TANGO2: variants seen among roughly 807,000 people sequenced by gnomAD.
TANGO2 encodes the protein transport and golgi organization 2 homolog, also known as transport and Golgi organization protein 2 homolog.
In TANGO2, 26 loss-of-function variants were observed where a neutral mutation model predicts 39.1. The observed-to-expected ratio is 0.67, with a 90% confidence interval of 0.49 to 0.92. The LOEUF (loss-of-function observed/expected upper bound fraction) is 0.92, where lower values mean the gene tolerates loss of function less well. TANGO2 is among the 40% of genes least tolerant of loss of function. TANGO2 has a pLI of 0.00. For synonymous variants in TANGO2, 131 were observed against 144.5 expected (o/e 0.91, Z 0.67); for missense variants, 326 against 360.1 (o/e 0.91, Z 0.77).
upstream of TANGO2, chr22:20,019,401 C>A (rs553650850): frequency 8.5e-5 from 13 of 152,362 alleles, no homozygotes; most frequent in African/African-American, 3.1e-4. Flanking sequence ...ATCCTAGACC[C>A]ATTTCATCTG....
At chr22:20,039,560 C>T (rs989045346) in intron 2 of TANGO2, among the ~76,000 whole-genome samples, 5 of 151,742 alleles carry the variant, frequency 3.3e-5, no homozygotes, top group African/African-American at 1.2e-4. Flanking sequence ...GCCTGGGAGG[C>T]AGAGGTTACA....
intron 1 of TANGO2, among the ~76,000 whole-genome samples, chr22:20,022,375 C>T (rs1231202319): frequency 6.6e-6 from 1 of 152,180 alleles, no homozygotes; most frequent in Non-Finnish European, 1.5e-5. Context: ...ACAGCAGAGC[C>T]TCTGTTCCCA....
intron 6 of TANGO2, 176 bp from the exon 7 acceptor site, chr22:20,061,354 G>T: frequency 1.5e-6 from 1 of 663,426 alleles, no homozygotes; most frequent in Non-Finnish European, 2.4e-6. Context: ...TCCTTGCCAT[G>T]CCATCAGGTC....
chr22:20,048,788 AAGCATGCACCACCATGCCC>A (rs2045748779), intron 3 of TANGO2, among the ~76,000 whole-genome samples: 1 of 152,100 alleles, frequency 6.6e-6, no homozygotes, highest in Non-Finnish European at 1.5e-5. Flanking sequence ...CTGGGACTAC[AAGCATGCACCACCATGCCC>A]AGCTAATTTT....
chr22:20,022,570 C>G (rs531237091), intron 1 of TANGO2, among the ~76,000 whole-genome samples: 1 of 152,264 alleles, frequency 6.6e-6, no homozygotes, highest in South Asian at 2.1e-4. Flanking sequence ...GCTGTCAGCT[C>G]TTCCTGGGCT....
intron 1 of TANGO2, among the ~76,000 whole-genome samples, chr22:20,029,069 G>A (rs532858022): frequency 3.9e-5 from 6 of 152,360 alleles, no homozygotes; most frequent in African/African-American, 1.2e-4. Flanking sequence ...TTGCCCAGGC[G>A]TTCTGTCTGA....
Position 20,030,491 on chromosome 22 carries a change from C to T in TANGO2, c.-39-6269C>T, listed in dbSNP as rs555239342. 7.9e-5 allele frequency among the ~76,000 whole-genome samples: 12 copies of T among 152,192 alleles called. No homozygotes were observed. The South Asian group carries it at 2.3e-3, about 29-fold the overall frequency. On this transcript the variant is annotated intron_variant, in intron 1 of 8. Coordinates refer to ENST00000327374, the MANE Select transcript of TANGO2 (RefSeq NM_152906.7). The stretch of plus-strand genomic sequence containing the variant: ...CCTCCCAAGTAGCTGGGACTACAGG[C>T]GCCCGCCACCACGCCCGGCTAATTT...
At chr22:20,027,120 C>T (rs369877282) in intron 1 of TANGO2, among the ~76,000 whole-genome samples, 5 of 152,138 alleles carry the variant, frequency 3.3e-5, no homozygotes, top group South Asian at 2.1e-4. Flanking sequence ...GCACTTCACA[C>T]GGCTGGAGCA....
At chr22:20,030,410 G>A (rs1601878237) in intron 1 of TANGO2, among the ~76,000 whole-genome samples, 3 of 151,970 alleles carry the variant, frequency 2.0e-5, no homozygotes, top group South Asian at 2.1e-4. Context: ...ACAGTGGTAC[G>A]ATCTTGGCTC....
intron 6 of TANGO2, among the ~76,000 whole-genome samples, chr22:20,060,348 C>CAAAAAAA (rs1180539682): frequency 3.7e-5 from 3 of 80,704 alleles, no homozygotes; most frequent in African/African-American, 1.5e-4. Flanking sequence ...GACTCCGTCT[C>CAAAAAAA]AAAAAAAAAA....
At position 20,061,613 on chromosome 22, in the gene TANGO2, G is replaced by T; in HGVS notation, c.535G>T (p.Glu179Ter). The change falls in exon 7 of 9, where the codon GAA becomes TAA. Residue 179 changes from glutamate to a stop codon, truncating the protein, a stop_gained. Coordinates refer to ENST00000327374, the MANE Select transcript of TANGO2 (RefSeq NM_152906.7). LOFTEE classifies it high-confidence loss of function. ...FGKQLFLEAV[E>*]RSQALPKDVL... ...GAAGCAGCTCTTCCTGGAGGCTGTG[G>T]AACGGAGCCAGGCGCTGCCCAAGGA... 6.3e-7 allele frequency: 1 copy of T among 1,583,784 alleles called. No homozygotes were observed. The highest frequency in any genetic ancestry group is 8.6e-7 in the Non-Finnish European group (1 of 1,164,658).
chr22:20,032,138 T>G (rs908167708), intron 1 of TANGO2, among the ~76,000 whole-genome samples: 8 of 152,178 alleles, frequency 5.3e-5, no homozygotes, highest in Non-Finnish European at 1.0e-4. Flanking sequence ...CTCCTTCCGG[T>G]TGGGGTTGGA....
rs140070519 is a variant in TANGO2, at chr22:20,051,479, C to T, written c.146-986C>T. On this transcript the variant is annotated intron_variant, in intron 3 of 8. Coordinates refer to ENST00000327374, the MANE Select transcript of TANGO2 (RefSeq NM_152906.7). ...CCAGGAGGGAGAGGTTGCAGTGAGC[C>T]GAGAGCACACCATTGCACTCCAGCC... Among the ~76,000 whole-genome samples, 491 of 151,818 alleles carry T rather than the reference C, an allele frequency of 3.2e-3. 4 individuals carry two copies. Among genetic ancestry groups the T allele is most frequent in the Non-Finnish European group, 5.7e-3 (388 of 67,924 alleles).
At chr22:20,044,398 T>G (rs542313861) in intron 3 of TANGO2, among the ~76,000 whole-genome samples, 1 of 152,248 alleles carries the variant, frequency 6.6e-6, no homozygotes, top group African/African-American at 2.4e-5. Context: ...TGGTGGCATG[T>G]GCCTGTGGCC....
intron 4 of TANGO2, among the ~76,000 whole-genome samples, chr22:20,052,807 C>T (rs566580734): frequency 1.3e-5 from 2 of 152,148 alleles, no homozygotes; most frequent in East Asian, 3.9e-4. Flanking sequence ...CAAAGCGTGG[C>T]AGGGCAGGGC....
At chr22:20,024,570 T>A (rs936318791) in intron 1 of TANGO2, among the ~76,000 whole-genome samples, 2 of 152,196 alleles carry the variant, frequency 1.3e-5, no homozygotes, top group Admixed American at 1.3e-4. Context: ...CACCAGCCCT[T>A]GTGGCCATTG....
intron 1 of TANGO2, among the ~76,000 whole-genome samples, chr22:20,029,965 T>G (rs1040030653): frequency 7.9e-5 from 12 of 152,138 alleles, no homozygotes; most frequent in African/African-American, 2.9e-4. Flanking sequence ...CAGATATGGA[T>G]GAGCCTCACG....
chr22:20,060,145 C>T (rs570004946), intron 6 of TANGO2, among the ~76,000 whole-genome samples: 69 of 151,972 alleles, frequency 4.5e-4, no homozygotes, highest in Middle Eastern at 6.8e-3. Flanking sequence ...GTCAGGAGAT[C>T]GAGACCATCC....
intron 2 of TANGO2, among the ~76,000 whole-genome samples, chr22:20,042,989 TG>T (rs1361000669): frequency 6.6e-6 from 1 of 151,980 alleles, no homozygotes; most frequent in African/African-American, 2.4e-5. Context: ...TTCCCAGGGC[TG>T]GGGACAGATG....
Sources: gnomAD v4.1 joint callset for allele counts (sites outside exome capture counted in the v4.1 genomes callset) on GRCh38, gnomAD v4.1.1 for gene constraint, MANE v1.5 for transcripts, NCBI Gene and HGNC (gene_info 2026-07-23, HGNC 2026-07-21) for gene names.